Variants in ULK4 observed in about 807,000 individuals in gnomAD.
ULK4 encodes inactive serine/threonine-protein kinase ULK4.
A neutral mutation model predicts 160.6 loss-of-function variants in ULK4; 133 were observed. The observed-to-expected ratio is 0.83, with a 90% CI of 0.72 to 0.96. The LOEUF (loss-of-function observed/expected upper bound fraction) is 0.96. Among genes scored for constraint, ULK4 ranks in the 40% least tolerant of loss-of-function variants. The pLI, the probability that ULK4 is intolerant of heterozygous loss-of-function variation, is 0.00. For synonymous variants in ULK4, 534 were observed against 539.8 expected, an observed-to-expected ratio of 0.99 and a Z score of 0.15; for missense variants, 1,580 against 1,499.5, an observed-to-expected ratio of 1.05 and a Z score of -0.89.
intron 22 of ULK4, among the ~76,000 whole-genome samples, chr3:41,746,337 G>C (rs56963903): frequency 9.5e-6 from 1 of 105,294 alleles, no homozygotes; most frequent in East Asian, 2.8e-4. Flanking sequence ...CGCTGTAGAA[G>C]ATAAAATCAA....
chr3:41,407,123 C>T (rs554459963), intron 34 of ULK4, among the ~76,000 whole-genome samples: 17 of 152,084 alleles, frequency 1.1e-4, no homozygotes, highest in East Asian at 3.9e-4. Flanking sequence ...GAAAGCAGGC[C>T]GAGGCTCAAT....
At chr3:41,557,711 G>A (rs2125587901) in intron 32 of ULK4, among the ~76,000 whole-genome samples, 1 of 151,998 alleles carries the variant, frequency 6.6e-6, no homozygotes, top group East Asian at 1.9e-4. Context: ...ACTGCAATAA[G>A]CTCTGATTGT....
chr3:41,686,594 G>A (rs947128356), intron 27 of ULK4, among the ~76,000 whole-genome samples: 2 of 152,124 alleles, frequency 1.3e-5, no homozygotes, highest in East Asian at 3.9e-4. Flanking sequence ...ACCAGACAAA[G>A]ATAAGAAAAT....
chr3:41,789,959 T>C, intron 20 of ULK4, 116 bp from the exon 21 acceptor site: 1 of 950,162 alleles, frequency 1.1e-6, no homozygotes, highest in Non-Finnish European at 1.4e-6. Flanking sequence ...GGCTCTTTTA[T>C]TACTTATTTT....
chr3:41,772,568 G>A (rs538933257), intron 21 of ULK4, among the ~76,000 whole-genome samples: 15 of 152,246 alleles, frequency 9.9e-5, no homozygotes, highest in African/African-American at 3.6e-4. Flanking sequence ...TGAAATTGCG[G>A]CAATAATTAA....
In ULK4 at chr3:41,472,564, CAAAAAAAAGAAAAAA is replaced by C. The variant is rs1436174693; in HGVS notation, c.3227-9326_3227-9312del. Among the ~76,000 whole-genome samples the C allele has an allele frequency of 1.3e-4, 14 of 104,488 alleles. 2 individuals carry two copies. The highest frequency in any genetic ancestry group is 0.011 in the Middle Eastern group (2 of 186). 68.5% of individuals were successfully genotyped at this position (104,488 alleles called of 152,430 possible). ...AGCCTGGGTGACAGAGTGGGACTGT[CAAAAAAAAGAAAAAA>C]AAAAAAAAGAAAATCTGAACAGATC... On this transcript the variant is annotated intron_variant, in intron 32 of 36. Coordinates refer to ENST00000301831, the MANE Select transcript of ULK4 (RefSeq NM_017886.4).
rs1164870603 is a variant in ULK4 at position 41,317,063 on chromosome 3, A to ATTTTTTTTTT, written c.3679-67499_3679-67490dup. On this transcript the variant is annotated intron_variant, in intron 35 of 36. Transcript: ENST00000301831. ...TGATGTAAAATAGGCAATTACATCTATTTTTTTTTTTTTTTTTTTTTTTGA... is the reference window on the plus strand; with the variant it reads ...TGATGTAAAATAGGCAATTACATCTATTTTTTTTTTTTTTTTTTTTTTTTTTTTTTTTTGA... Among the ~76,000 whole-genome samples, 922 of 94,542 alleles carry ATTTTTTTTTT rather than the reference A, an allele frequency of 9.8e-3. 88 individuals are homozygous for ATTTTTTTTTT. The highest frequency in any genetic ancestry group is 0.035 in the Middle Eastern group (3 of 86). 62.0% of individuals were successfully genotyped at this position (94,542 alleles called of 152,430 possible). A position where few individuals can be genotyped will look rare whatever the true frequency, so the allele number is the denominator to read the frequency against.
intron 34 of ULK4, among the ~76,000 whole-genome samples, chr3:41,451,842 A>T (rs2083433015): frequency 6.6e-6 from 1 of 152,196 alleles, no homozygotes; most frequent in African/African-American, 2.4e-5. Flanking sequence ...GATTCAATGT[A>T]ATATCAAGGA....
chr3:41,344,203 T>C (rs999233057), intron 35 of ULK4, among the ~76,000 whole-genome samples: 5 of 152,044 alleles, frequency 3.3e-5, no homozygotes, highest in African/African-American at 1.2e-4. Flanking sequence ...TTCGACAAAC[T>C]TGACAAAAAC....
intron 16 of ULK4, among the ~76,000 whole-genome samples, chr3:41,891,333 GA>G: frequency 8.1e-6 from 1 of 123,082 alleles, no homozygotes; most frequent in African/African-American, 3.1e-5. Context: ...GACGGGACAA[GA>G]CGGGACTGGA....
At chr3:41,786,279 A>T (rs1470698128) in intron 21 of ULK4, among the ~76,000 whole-genome samples, 2 of 152,190 alleles carry the variant, frequency 1.3e-5, no homozygotes, top group Non-Finnish European at 2.9e-5. Flanking sequence ...TCTGTGAAAG[A>T]TTCAGAGTTG....
intron 3 of ULK4, chr3:41,937,408 T>C: frequency 1.5e-6 from 1 of 662,464 alleles, no homozygotes; most frequent in Non-Finnish European, 2.7e-6. Flanking sequence ...TTTTATAAAT[T>C]CTAAGTATCA....
chr3:41,744,741 C>T (rs547047774), intron 22 of ULK4, among the ~76,000 whole-genome samples: 1 of 151,884 alleles, frequency 6.6e-6, no homozygotes, highest in East Asian at 1.9e-4. Flanking sequence ...AGAACATCCC[C>T]AACAAGCAGC....
chr3:41,479,667 T>A (rs1305795449), intron 32 of ULK4, among the ~76,000 whole-genome samples: 1 of 152,000 alleles, frequency 6.6e-6, no homozygotes, highest in East Asian at 1.9e-4. Context: ...CTAGGGCCTG[T>A]GAAAAACAGC....
At chr3:41,461,117 T>C (rs1420630294) in intron 33 of ULK4, among the ~76,000 whole-genome samples, 3 of 152,130 alleles carry the variant, frequency 2.0e-5, no homozygotes, top group Non-Finnish European at 2.9e-5. Flanking sequence ...GAACTTCTGA[T>C]GGAGATTCTG....
chr3:41,675,400 G>A (rs2035678368), intron 29 of ULK4, among the ~76,000 whole-genome samples: 1 of 151,828 alleles, frequency 6.6e-6, no homozygotes, highest in Non-Finnish European at 1.5e-5. Flanking sequence ...GACCAGCCTG[G>A]CCAACATGGT....
chr3:41,732,708 G>A (rs1007151825), intron 22 of ULK4, among the ~76,000 whole-genome samples: 1 of 151,998 alleles, frequency 6.6e-6, no homozygotes, highest in African/African-American at 2.4e-5. Context: ...GCAAAGATAC[G>A]GAATCAACCT....
chr3:41,726,350 G>C (rs2037651532), intron 22 of ULK4, among the ~76,000 whole-genome samples: 1 of 152,136 alleles, frequency 6.6e-6, no homozygotes, highest in Non-Finnish European at 1.5e-5. Context: ...CCCATTACAA[G>C]ATGTGTTTTC....
At chr3:41,770,427 A>G (rs1008275445) in intron 21 of ULK4, among the ~76,000 whole-genome samples, 4 of 152,140 alleles carry the variant, frequency 2.6e-5, no homozygotes, top group Non-Finnish European at 4.4e-5. Context: ...CTTCACATCC[A>G]TAAAATAATC....
Sources: allele counts gnomAD v4.1 joint callset (sites outside exome capture counted in the v4.1 genomes callset), GRCh38; gene constraint gnomAD v4.1.1; transcripts MANE v1.5; gene names NCBI Gene and HGNC (gene_info 2026-07-23, HGNC 2026-07-21).